Variants in SUGCT observed in about 807,000 individuals in gnomAD.
SUGCT encodes the protein succinyl-CoA:glutarate CoA-transferase.
A neutral mutation model predicts 55.0 loss-of-function variants in SUGCT; 41 were observed. The ratio of observed to expected loss-of-function variants is 0.74; its 90% CI spans 0.58 to 0.97. SUGCT has a LOEUF of 0.97. SUGCT is among the 50% of genes least tolerant of loss of function. The pLI is 0.00. For missense variants in SUGCT, 568 were observed against 547.8 expected (o/e 1.04, Z -0.37); for synonymous variants, 187 against 200.4 (o/e 0.93, Z 0.56).
intron 13 of SUGCT, among the ~76,000 whole-genome samples, chr7:40,806,889 T>C (rs918182541): frequency 1.1e-4 from 16 of 152,214 alleles, no homozygotes; most frequent in Non-Finnish European, 2.1e-4. Context: ...CAGCATGGTC[T>C]CCATGCAGCT....
At chr7:40,698,202 G>A (rs1439309475) in intron 12 of SUGCT, among the ~76,000 whole-genome samples, 1 of 152,212 alleles carries the variant, frequency 6.6e-6, no homozygotes, top group Non-Finnish European at 1.5e-5. Flanking sequence ...CTTTGGAGAG[G>A]TAAAGGTGGT....
chr7:40,553,918 C>T (rs995138346), intron 12 of SUGCT, among the ~76,000 whole-genome samples: 1 of 152,184 alleles, frequency 6.6e-6, no homozygotes, highest in African/African-American at 2.4e-5. Flanking sequence ...CTAACTTCTT[C>T]GTGTTTCATG....
intron 12 of SUGCT, among the ~76,000 whole-genome samples, chr7:40,625,215 C>T (rs1364693686): frequency 6.6e-6 from 1 of 152,158 alleles, no homozygotes; most frequent in Non-Finnish European, 1.5e-5. Context: ...GCATTTTTCT[C>T]TGTGCTCCAT....
chr7:40,661,512 C>G (rs1341328271), intron 12 of SUGCT, among the ~76,000 whole-genome samples: 1 of 152,138 alleles, frequency 6.6e-6, no homozygotes, highest in Non-Finnish European at 1.5e-5. Flanking sequence ...CATTTCTTGG[C>G]TTTTTTTCAC....
intron 6 of SUGCT, among the ~76,000 whole-genome samples, chr7:40,237,214 C>A (rs562841535): frequency 4.0e-5 from 6 of 151,302 alleles, no homozygotes. Context: ...GAGGCTGAGG[C>A]AGGTGGATCA....
At chr7:40,777,403 C>A (rs1279075594) in intron 13 of SUGCT, among the ~76,000 whole-genome samples, 1 of 151,418 alleles carries the variant, frequency 6.6e-6, no homozygotes, top group Non-Finnish European at 1.5e-5. Flanking sequence ...GACATCAGAG[C>A]CACATTCTGA....
intron 12 of SUGCT, among the ~76,000 whole-genome samples, chr7:40,669,061 C>T (rs773184868): frequency 2.0e-5 from 3 of 152,250 alleles, no homozygotes; most frequent in East Asian, 3.9e-4. Flanking sequence ...TCTGTGATGT[C>T]GGTGCCACAT....
At chr7:40,269,863 G>A (rs1198701146) in intron 7 of SUGCT, among the ~76,000 whole-genome samples, 1 of 152,118 alleles carries the variant, frequency 6.6e-6, no homozygotes, top group African/African-American at 2.4e-5. Flanking sequence ...TGGGCTGGGT[G>A]TGATCGCTCA....
At chr7:40,599,034 T>C (rs1464422628) in intron 12 of SUGCT, among the ~76,000 whole-genome samples, 2 of 152,226 alleles carry the variant, frequency 1.3e-5, no homozygotes, top group Admixed American at 6.5e-5. Flanking sequence ...AAATGGGGCC[T>C]ACCTTCCTCT....
intron 12 of SUGCT, among the ~76,000 whole-genome samples, chr7:40,728,769 T>C (rs929354307): frequency 4.6e-5 from 7 of 152,240 alleles, no homozygotes; most frequent in African/African-American, 1.7e-4. Context: ...CTCACTGCAG[T>C]GCTCTTCTAT....
At chr7:40,803,710 GAC>G (rs1285114729) in intron 13 of SUGCT, among the ~76,000 whole-genome samples, 1 of 152,144 alleles carries the variant, frequency 6.6e-6, no homozygotes, top group African/African-American at 2.4e-5. Context: ...CATGCAACTA[GAC>G]ACAAATTCTT....
At chr7:41,033,639 A>G in the SUGCT span, among the ~76,000 whole-genome samples, 1 of 152,172 alleles carries the variant, frequency 6.6e-6, no homozygotes, top group Admixed American at 6.5e-5. Flanking sequence ...GTGCACATGC[A>G]GGAATTTCCA....
intron 12 of SUGCT, among the ~76,000 whole-genome samples, chr7:40,722,212 T>C (rs751144841): frequency 1.3e-5 from 2 of 151,914 alleles, no homozygotes; most frequent in African/African-American, 2.4e-5. Context: ...TAACAACCAA[T>C]TGGGGAAAAT....
chr7:40,449,445 C>T (rs1030395248), intron 10 of SUGCT, 87 bp downstream of exon 10: 5 of 904,588 alleles, frequency 5.5e-6, no homozygotes, highest in Non-Finnish European at 9.0e-6. Context: ...CAACTTAGGC[C>T]CCCTGTGTTA....
At chr7:40,988,748 T>C in the SUGCT span, among the ~76,000 whole-genome samples, 1 of 152,200 alleles carries the variant, frequency 6.6e-6, no homozygotes, top group Non-Finnish European at 1.5e-5. Context: ...CACCCTTATG[T>C]ACTTGATATT....
At chr7:40,252,626 A>G (rs6462966) in intron 7 of SUGCT, among the ~76,000 whole-genome samples, 55,704 of 151,976 alleles carry the variant, frequency 0.37, 10,224 homozygotes, top group East Asian at 0.46. Context: ...AATATGGTAT[A>G]TAATAGGAAT....
intron 13 of SUGCT, among the ~76,000 whole-genome samples, chr7:40,763,023 G>T (rs1312999603): frequency 6.6e-6 from 1 of 151,832 alleles, no homozygotes; most frequent in Non-Finnish European, 1.5e-5. Flanking sequence ...CACCATGTTG[G>T]CGAGGCTGGT....
At position 40,146,274 on chromosome 7, in the gene SUGCT, ATCAGTGGCCTCAGCTTG is replaced by A. The variant is rs1264585545; in HGVS notation, c.100+11167_100+11183del. On this transcript the variant is annotated intron_variant, in intron 1 of 13. Coordinates refer to ENST00000335693, the MANE Select transcript of SUGCT (RefSeq NM_001193313.2). Reference sequence around the variant, plus strand: ...TAAGGATTTTTGATTAGGAAGGCTAATCAGTGGCCTCAGCTTGTCAGTGGCCTCAATGCTTTCAGGCT... The same window carrying A: ...TAAGGATTTTTGATTAGGAAGGCTAATCAGTGGCCTCAATGCTTTCAGGCT... 7.2e-5 allele frequency among the ~76,000 whole-genome samples: 11 copies of A among 152,198 alleles called. No individual in the cohort carries two copies. In the South Asian group the frequency reaches 1.7e-3, roughly 23 times the overall value.
intron 13 of SUGCT, among the ~76,000 whole-genome samples, chr7:40,798,979 C>T (rs748783014): frequency 1.3e-5 from 2 of 152,186 alleles, no homozygotes; most frequent in East Asian, 1.9e-4. Flanking sequence ...CAAATCCCTG[C>T]GGATTTTTGC....
Sources: allele counts gnomAD v4.1 joint callset (sites outside exome capture counted in the v4.1 genomes callset), GRCh38; gene constraint gnomAD v4.1.1; transcripts MANE v1.5; gene names NCBI Gene and HGNC (gene_info 2026-07-23, HGNC 2026-07-21).